Variants in KDM7A observed in about 807,000 individuals in gnomAD.
KDM7A encodes lysine-specific demethylase 7A.
A neutral mutation model predicts 114.8 loss-of-function variants in KDM7A; 28 were observed. That is an observed-to-expected ratio of 0.24 (90% CI 0.18 to 0.33). The LOEUF is 0.33. Among genes scored for constraint, KDM7A ranks in the 10% least tolerant of loss-of-function variants. KDM7A has a pLI of 1.00. For missense variants in KDM7A, 942 were observed against 1,142.5 expected, an observed-to-expected ratio of 0.82 and a Z score of 2.53; for synonymous variants, 423 against 397.8, an observed-to-expected ratio of 1.06 and a Z score of -0.75.
intron 10 of KDM7A, among the ~76,000 whole-genome samples, chr7:140,112,201 AATG>A (rs1284560791): frequency 5.9e-5 from 9 of 152,234 alleles, no homozygotes; most frequent in African/African-American, 1.9e-4. Context: ...GATATGTAGC[AATG>A]ATAATACAGT....
At chr7:140,159,526 T>C (rs1365089274) in intron 1 of KDM7A, among the ~76,000 whole-genome samples, 1 of 152,138 alleles carries the variant, frequency 6.6e-6, no homozygotes, top group Non-Finnish European at 1.5e-5. Context: ...CCACAATCTA[T>C]ATGACTTAGC....
intron 18 of KDM7A, 179 bp from the exon 19 acceptor site, chr7:140,092,256 G>A (rs367635684): frequency 3.2e-6 from 2 of 617,932 alleles, no homozygotes; most frequent in South Asian, 4.0e-5. Flanking sequence ...AGCTCTGAAG[G>A]ACTCGGGTCT....
At chr7:140,114,723 G>C (rs1012261949) in intron 9 of KDM7A, among the ~76,000 whole-genome samples, 1 of 151,838 alleles carries the variant, frequency 6.6e-6, no homozygotes, top group Non-Finnish European at 1.5e-5. Context: ...AGGAAGTGAG[G>C]AGCGTCTCTG....
intron 11 of KDM7A, among the ~76,000 whole-genome samples, chr7:140,109,958 G>T (rs752951369): frequency 1.3e-5 from 2 of 152,078 alleles, no homozygotes; most frequent in Non-Finnish European, 2.9e-5. Flanking sequence ...TCCTGGATAG[G>T]ATTGCCAGAT....
intron 1 of KDM7A, among the ~76,000 whole-genome samples, chr7:140,147,013 A>C (rs1416150195): frequency 2.0e-5 from 3 of 152,002 alleles, no homozygotes; most frequent in African/African-American, 7.2e-5. Flanking sequence ...TACTCTCCCC[A>C]TTCTTCACTG....
chr7:140,139,020 T>G, intron 2 of KDM7A, 85 bp downstream of exon 2: 1 of 823,662 alleles, frequency 1.2e-6, no homozygotes, highest in Non-Finnish European at 2.0e-6. Context: ...CCTCAGAGTA[T>G]CATTAAAGTA....
At chr7:140,117,646 T>C (rs1393896297) in intron 9 of KDM7A, among the ~76,000 whole-genome samples, 1 of 152,224 alleles carries the variant, frequency 6.6e-6, no homozygotes, top group Non-Finnish European at 1.5e-5. Flanking sequence ...ACAAGGAAAT[T>C]TGTGTTTTTA....
intron 1 of KDM7A, among the ~76,000 whole-genome samples, chr7:140,159,529 G>GACTT (rs774885064): frequency 2.8e-4 from 43 of 152,124 alleles, no homozygotes; most frequent in Non-Finnish European, 4.9e-4. Context: ...CAATCTATAT[G>GACTT]ACTTAGCAGT....
intron 9 of KDM7A, among the ~76,000 whole-genome samples, chr7:140,116,443 T>C (rs1818530897): frequency 6.6e-6 from 1 of 152,228 alleles, no homozygotes; most frequent in Non-Finnish European, 1.5e-5. Flanking sequence ...TAAATTATTT[T>C]AGTTTATAAC....
At chr7:140,103,098 A>T (rs1324967042) in intron 11 of KDM7A, among the ~76,000 whole-genome samples, 1 of 152,070 alleles carries the variant, frequency 6.6e-6, no homozygotes, top group Non-Finnish European at 1.5e-5. Flanking sequence ...TGAAACCTGA[A>T]ACTGTACCCA....
At position 140,150,943 on chromosome 7, in the gene KDM7A, C is replaced by A. The variant is rs531355517; in HGVS notation, c.195-11753G>T. 7.9e-5 allele frequency among the ~76,000 whole-genome samples: 12 copies of A among 152,016 alleles called. No homozygotes were observed. The South Asian group carries it at 2.5e-3, about 32-fold the overall frequency. On this transcript the variant is annotated intron_variant, in intron 1 of 19. Transcript: ENST00000397560. ...TCCCAGGTTCAAGCAATTCTCCTGC[C>A]TCAGCCTCCTGAGTAGCTAAGGATT...
At chr7:140,166,335 CTTTTTT>C (rs746518929) in intron 1 of KDM7A, among the ~76,000 whole-genome samples, 2 of 128,662 alleles carry the variant, frequency 1.6e-5, no homozygotes, top group Non-Finnish European at 3.3e-5. Context: ...CTTTTTTTTC[CTTTTTT>C]TTTTTTTTTT....
intron 1 of KDM7A, among the ~76,000 whole-genome samples, chr7:140,145,099 A>G (rs1346062260): frequency 6.6e-6 from 1 of 152,140 alleles, no homozygotes; most frequent in Non-Finnish European, 1.5e-5. Flanking sequence ...AAAACAGCCT[A>G]CTACAAAACC....
chr7:140,144,024 G>A (rs188274884), intron 1 of KDM7A, among the ~76,000 whole-genome samples: 1 of 152,218 alleles, frequency 6.6e-6, no homozygotes, highest in Admixed American at 6.5e-5. Flanking sequence ...TTGGTCCATA[G>A]TTTCTTATAA....
At chr7:140,126,577 C>T (rs2116801796) in intron 6 of KDM7A, 60 bp downstream of exon 6, 1 of 1,029,496 alleles carries the variant, frequency 9.7e-7, no homozygotes, top group East Asian at 2.7e-5. Context: ...GAATATACCA[C>T]TGAAAAACTA....
rs1484030981 is a variant in KDM7A, at chr7:140,176,256, G to A, written c.194+488C>T. ...CGGCGCGGAGGAGACGCGGGGCCGG[G>A]GCGACCCCATCGCCGCCCGGAAGGA... On this transcript the variant is annotated intron_variant, in intron 1 of 19. Transcript: ENST00000397560. This position sits in a 1 kb window ranked among gnomAD's most constrained non-coding sequence, Gnocchi z 4.4. 1.3e-5 allele frequency among the ~76,000 whole-genome samples: 2 copies of A among 151,224 alleles called. No homozygotes were observed. Among genetic ancestry groups the A allele is most frequent in the East Asian group, 3.9e-4 (2 of 5,108 alleles).
At position 140,176,290 on chromosome 7, in the gene KDM7A, G is replaced by T. The variant is rs902633225; in HGVS notation, c.194+454C>A. 1.3e-5 allele frequency among the ~76,000 whole-genome samples: 2 copies of T among 148,916 alleles called. No individual in the cohort carries two copies. Among genetic ancestry groups the T allele is most frequent in the African/African-American group, 4.9e-5 (2 of 41,032 alleles). On this transcript the variant is annotated intron_variant, in intron 1 of 19. Transcript: ENST00000397560. This position sits in a 1 kb window ranked among gnomAD's most constrained non-coding sequence, Gnocchi z 4.4. Reference sequence around the variant, plus strand: ...ATCGCCGCCCGGAAGGAAGGCAGGCGCGTCGGCCGGCCGGGCAGAGCGGCG... The same window carrying T: ...ATCGCCGCCCGGAAGGAAGGCAGGCTCGTCGGCCGGCCGGGCAGAGCGGCG...
chr7:140,126,646 A>G lies in KDM7A; in HGVS notation c.879T>C (p.His293=), dbSNP rs1818709652. The G allele has an allele frequency of 6.2e-7, 1 of 1,604,504 alleles. No homozygotes were observed. The highest frequency in any genetic ancestry group is 8.5e-7 in the Non-Finnish European group (1 of 1,175,084). Residue 293 remains histidine, a synonymous_variant, in exon 6 of 20, where the codon CAT becomes CAC. Coordinates refer to ENST00000397560, the MANE Select transcript of KDM7A (RefSeq NM_030647.2). ...AATACCCCAATCTTACCCAGAGGAC[A>G]TGGTACCAGACTGAAGTTCCACCGA... ...IDFGGTSVWY[H]VLWGEKIFYL... is the part of the protein sequence containing the mutation.
rs1367614259 is a variant in KDM7A, at chr7:140,104,782, T to C, written c.1429-2622A>G. ...GATTGTCTTGGCAATGTAGGCTCTT[T>C]TTTGGTTCCATATGAACTTTAAAGT... is the stretch of plus-strand genomic sequence containing the variant. On this transcript the variant is annotated intron_variant, in intron 11 of 19. Transcript: ENST00000397560. 9.2e-5 allele frequency among the ~76,000 whole-genome samples: 14 copies of C among 152,150 alleles called. No individual in the cohort carries two copies. The East Asian group carries it at 1.5e-3, about 17-fold the overall frequency.
Sources: gnomAD v4.1 joint callset for allele counts (sites outside exome capture counted in the v4.1 genomes callset) on GRCh38, gnomAD v4.1.1 for gene constraint, Gnocchi (gnomAD v3.1) non-coding constraint, MANE v1.5 for transcripts, NCBI Gene and HGNC (gene_info 2026-07-23, HGNC 2026-07-21) for gene names.